The following LCLAT1 variants were observed in gnomAD, a reference collection of about 807,000 sequenced individuals.
LCLAT1 encodes the protein lysocardiolipin acyltransferase 1, also known as 1-AGP acyltransferase 8.
Under a neutral mutation model 30.7 loss-of-function variants are expected in LCLAT1, and 11 were observed. That is an observed-to-expected ratio of 0.36 (90% confidence interval 0.23 to 0.59). The LOEUF (loss-of-function observed/expected upper bound fraction) is 0.59, where lower values mean the gene tolerates loss of function less well. Among genes scored for constraint, LCLAT1 ranks in the 20% least tolerant of loss-of-function variants. The pLI is 0.77. For synonymous variants in LCLAT1, 155 were observed against 151.3 expected, an observed-to-expected ratio of 1.02 and a Z score of -0.18; for missense variants, 402 against 458.6, an observed-to-expected ratio of 0.88 and a Z score of 1.13.
chr2:30,580,075 A>G (rs1666146880), intron 5 of LCLAT1, among the ~76,000 whole-genome samples: 1 of 152,158 alleles, frequency 6.6e-6, no homozygotes, highest in Admixed American at 6.5e-5. Context: ...TTTACAGACT[A>G]TATGATGGCA....
chr2:30,580,506 A>G (rs1214888539), intron 5 of LCLAT1, among the ~76,000 whole-genome samples: 3 of 152,168 alleles, frequency 2.0e-5, no homozygotes, highest in Admixed American at 6.6e-5. Flanking sequence ...GAAGAGTGAT[A>G]TAAGTGGAGA....
intron 1 of LCLAT1, among the ~76,000 whole-genome samples, chr2:30,483,252 C>G (rs192185685): frequency 2.0e-5 from 3 of 152,234 alleles, no homozygotes; most frequent in Admixed American, 2.0e-4. Context: ...CTTCAGGAGG[C>G]TGAGGTTGGG....
At chr2:30,478,852 C>T (rs1223782407) in intron 1 of LCLAT1, among the ~76,000 whole-genome samples, 1 of 152,090 alleles carries the variant, frequency 6.6e-6, no homozygotes, top group African/African-American at 2.4e-5. Flanking sequence ...TTTTTAAGAT[C>T]TTTAGGTTAA....
At chr2:30,611,931 A>C (rs1667758596) in intron 5 of LCLAT1, among the ~76,000 whole-genome samples, 1 of 151,650 alleles carries the variant, frequency 6.6e-6, no homozygotes, top group African/African-American at 2.4e-5. Context: ...CCGTGTCTGC[A>C]CTGATGGAAA....
intron 1 of LCLAT1, among the ~76,000 whole-genome samples, chr2:30,478,052 A>G (rs555186623): frequency 6.6e-6 from 1 of 151,394 alleles, no homozygotes; most frequent in African/African-American, 2.4e-5. Context: ...CGTAAAGTCA[A>G]AAGTGTTAGT....
chr2:30,517,622 A>G (rs17038632), intron 1 of LCLAT1, among the ~76,000 whole-genome samples: 37,473 of 152,180 alleles, frequency 0.25, 5,502 homozygotes, highest in East Asian at 0.52. Context: ...AGGGAGGAGC[A>G]TATTCCTATA....
intron 4 of LCLAT1, among the ~76,000 whole-genome samples, chr2:30,567,372 AC>A (rs1252494400): frequency 2.6e-5 from 4 of 152,092 alleles, no homozygotes; most frequent in East Asian, 3.9e-4. Context: ...GCATTTTAAC[AC>A]TTTTTTTCTT....
chr2:30,505,050 TCATAGTATTTGGATGTAC>T (rs1437341236), intron 1 of LCLAT1, among the ~76,000 whole-genome samples: 4 of 152,182 alleles, frequency 2.6e-5, no homozygotes, highest in East Asian at 1.9e-4. Context: ...GCATATTGTG[TCATAGTATTTGGATGTAC>T]CATAGTTAAT....
In LCLAT1 at chr2:30,562,280, A is replaced by T. The variant is rs570266673; in HGVS notation, c.499A>T (p.Thr167Ser). Residue 167 changes from threonine to serine, a missense_variant, in exon 4 of 6, where the codon ACT becomes TCT. Physicochemically the swap from Thr to Ser is moderately conservative, Grantham distance 58. Transcript: ENST00000379509. ...TCAACTCCTCATATTCCCAGAAGGG[A>T]CTGATCTCACAGGTAATGTAGCCTG... Reference protein sequence around the residue: ...PLQLLIFPEGTDLTENSKSRS... With the variant: ...PLQLLIFPEGSDLTENSKSRS... 6.2e-7 allele frequency: 1 copy of T among 1,609,088 alleles called. No homozygotes were observed. Among genetic ancestry groups the T allele is most frequent in the East Asian group, 2.2e-5 (1 of 44,798 alleles).
intron 1 of LCLAT1, among the ~76,000 whole-genome samples, chr2:30,449,537 G>A (rs113708465): frequency 0.014 from 2,015 of 144,096 alleles, 34 homozygotes; most frequent in African/African-American, 0.049. Flanking sequence ...GTTCGCTCTT[G>A]TTGCCAGGGC....
intron 5 of LCLAT1, among the ~76,000 whole-genome samples, chr2:30,605,433 A>G (rs1394867261): frequency 6.6e-6 from 1 of 152,212 alleles, no homozygotes; most frequent in African/African-American, 2.4e-5. Flanking sequence ...AATGCAGGAC[A>G]CTGTATGCAG....
chr2:30,538,054 G>A (rs560856942), intron 3 of LCLAT1, among the ~76,000 whole-genome samples: 50 of 151,900 alleles, frequency 3.3e-4, no homozygotes, highest in African/African-American at 1.1e-3. Context: ...ATAACACACC[G>A]AAACCTATAG....
chr2:30,539,841 G>A (rs1453475632), intron 3 of LCLAT1, among the ~76,000 whole-genome samples: 1 of 152,130 alleles, frequency 6.6e-6, no homozygotes, highest in Non-Finnish European at 1.5e-5. Flanking sequence ...GGTCACAACT[G>A]CATATCATAA....
At chr2:30,549,829 A>G (rs1418701302) in intron 3 of LCLAT1, among the ~76,000 whole-genome samples, 1 of 152,164 alleles carries the variant, frequency 6.6e-6, no homozygotes, top group Non-Finnish European at 1.5e-5. Context: ...GCTTTTCTCC[A>G]TTTATTTCAT....
intron 3 of LCLAT1, among the ~76,000 whole-genome samples, chr2:30,556,839 G>A (rs748101884): frequency 9.4e-5 from 14 of 149,596 alleles, no homozygotes; most frequent in African/African-American, 1.5e-4. Context: ...TCCGCCTCCC[G>A]GGTTCAAGCG....
chr2:30,467,397 CAT>C (rs1052815329), intron 1 of LCLAT1, among the ~76,000 whole-genome samples: 14 of 152,160 alleles, frequency 9.2e-5, no homozygotes, highest in South Asian at 4.1e-4. Context: ...CCACAATAAA[CAT>C]GTGTGCATGT....
In LCLAT1 at chr2:30,615,511, G is replaced by A. The variant is rs114462650; in HGVS notation, c.629-24606G>A. 9.3e-3 allele frequency among the ~76,000 whole-genome samples: 1,415 copies of A among 152,246 alleles called. 17 individuals are homozygous for A. Among genetic ancestry groups the A allele is most frequent in the Non-Finnish European group, 0.015 (1,014 of 68,014 alleles). ...CAGAATGGACTAAGGAAATATGTAT[G>A]TTGAGCAGTACTAAGGAGCTGCTTT... is the stretch of plus-strand genomic sequence containing the variant. On this transcript the variant is annotated intron_variant, in intron 5 of 5. Coordinates refer to ENST00000379509, the MANE Select transcript of LCLAT1 (RefSeq NM_001002257.3).
At chr2:30,623,133 A>C (rs1668347269) in intron 5 of LCLAT1, among the ~76,000 whole-genome samples, 1 of 146,046 alleles carries the variant, frequency 6.8e-6, no homozygotes, top group African/African-American at 2.5e-5. Context: ...TGCTCACTGC[A>C]AGCTCCGCCT....
intron 2 of LCLAT1, among the ~76,000 whole-genome samples, chr2:30,527,269 G>A (rs1685765849): frequency 6.6e-6 from 1 of 152,074 alleles, no homozygotes; most frequent in African/African-American, 2.4e-5. Flanking sequence ...TAAAGAAATT[G>A]GAGTAAATGA....
Sources: allele counts gnomAD v4.1 joint callset (sites outside exome capture counted in the v4.1 genomes callset), GRCh38; gene constraint gnomAD v4.1.1; transcripts MANE v1.5; gene names NCBI Gene and HGNC (gene_info 2026-07-23, HGNC 2026-07-21).